Variants in NBEAL1 observed in about 807,000 individuals in gnomAD.
The protein encoded by NBEAL1 is neurobeachin like 1, also known as neurobeachin-like protein 1.
A neutral mutation model predicts 351.3 loss-of-function variants in NBEAL1; 273 were observed. The ratio of observed to expected loss-of-function variants is 0.78; its 90% CI spans 0.70 to 0.86. NBEAL1 has a LOEUF of 0.86. Ranked by LOEUF, NBEAL1 falls within the 40% of genes least tolerant of loss-of-function variation. The pLI is 0.00. For synonymous variants in NBEAL1, 1,050 were observed against 1,086.4 expected (o/e 0.97, Z 0.66); for missense variants, 2,961 against 3,201.3 (o/e 0.92, Z 1.81).
intron 49 of NBEAL1, among the ~76,000 whole-genome samples, chr2:203,201,285 T>G (rs906082324): frequency 6.6e-6 from 1 of 152,220 alleles, no homozygotes; most frequent in African/African-American, 2.4e-5. Context: ...AATCCAAGAT[T>G]TAAGCTTTCT....
chr2:203,034,457 A>ATTT (rs1241543389), intron 2 of NBEAL1, among the ~76,000 whole-genome samples: 1 of 111,946 alleles, frequency 8.9e-6, no homozygotes, highest in Non-Finnish European at 1.9e-5. Flanking sequence ...ACACCCGGCC[A>ATTT]TTTTTTTTTT....
chr2:203,162,553 G>A (rs547408192), intron 36 of NBEAL1, among the ~76,000 whole-genome samples: 1 of 151,222 alleles, frequency 6.6e-6, no homozygotes, highest in Non-Finnish European at 1.5e-5. Context: ...GACCAGCCTG[G>A]ACAACATGGC....
At chr2:203,184,336 T>A (rs1183970324) in intron 44 of NBEAL1, among the ~76,000 whole-genome samples, 4 of 151,730 alleles carry the variant, frequency 2.6e-5, no homozygotes, top group African/African-American at 9.7e-5. Flanking sequence ...GAGGCTGAGG[T>A]AAGATAATCT....
intron 2 of NBEAL1, among the ~76,000 whole-genome samples, chr2:203,028,467 A>T (rs1403868693): frequency 6.6e-6 from 1 of 151,936 alleles, no homozygotes; most frequent in Non-Finnish European, 1.5e-5. Flanking sequence ...AAATCTCATT[A>T]TTCAGAGACT....
chr2:203,142,917 G>A (rs766607515), intron 31 of NBEAL1, among the ~76,000 whole-genome samples: 5 of 152,142 alleles, frequency 3.3e-5, no homozygotes, highest in Non-Finnish European at 7.4e-5. Flanking sequence ...TCATGTTAGA[G>A]ATCGTTTCCT....
chr2:203,058,257 C>T (rs994501230), intron 6 of NBEAL1, among the ~76,000 whole-genome samples: 2 of 152,152 alleles, frequency 1.3e-5, no homozygotes, highest in African/African-American at 4.8e-5. Flanking sequence ...GTCTTGAATT[C>T]CTAGGCTCAA....
At chr2:203,150,792 A>C (rs1274402073) in intron 34 of NBEAL1, among the ~76,000 whole-genome samples, 3 of 152,194 alleles carry the variant, frequency 2.0e-5, no homozygotes, top group Admixed American at 6.5e-5. Flanking sequence ...TGGAAATATC[A>C]ACCATCTGTA....
chr2:203,133,576 A>T (rs1388131186), intron 27 of NBEAL1, among the ~76,000 whole-genome samples: 1 of 151,924 alleles, frequency 6.6e-6, no homozygotes, highest in African/African-American at 2.4e-5. Context: ...AAGTCAAGAG[A>T]TAGTTATCCT....
intron 3 of NBEAL1, among the ~76,000 whole-genome samples, chr2:203,049,209 A>G (rs1304468227): frequency 6.6e-6 from 1 of 152,070 alleles, no homozygotes; most frequent in Non-Finnish European, 1.5e-5. Context: ...GTAAAATGAT[A>G]CAATGAAACC....
Position 203,157,728 on chromosome 2 carries a change from A to T in NBEAL1, c.5617A>T (p.Thr1873Ser). 1 of 1,601,062 alleles carries T rather than the reference A, an allele frequency of 6.2e-7. No homozygotes were observed. Among genetic ancestry groups the T allele is most frequent in the Non-Finnish European group, 8.5e-7 (1 of 1,174,678 alleles). ...GIQHSQPSSD[T>S]LLLEVVKQVK... The stretch of plus-strand genomic sequence containing the variant: ...CCAACACTCACAGCCTTCCAGTGAT[A>T]CATTGCTTTTGGAAGTAGTGAAACA... The change falls in exon 36 of 56, where the codon ACA becomes TCA. Residue 1873 changes from threonine to serine, a missense_variant. By Grantham distance (58) the Thr-to-Ser change is moderately conservative. Transcript: ENST00000683969.
At chr2:203,191,385 A>G in intron 46 of NBEAL1, 2 of 212,100 alleles carry the variant, frequency 9.4e-6, no homozygotes, top group Non-Finnish European at 1.9e-5. Flanking sequence ...ATTAAATATT[A>G]CTACATATAT....
chr2:203,157,744 T>C lies in NBEAL1; in HGVS notation c.5633T>C (p.Val1878Ala). 5 of 1,599,300 alleles carry C rather than the reference T, an allele frequency of 3.1e-6. No individual in the cohort carries two copies. The highest frequency in any genetic ancestry group is 4.3e-6 in the Non-Finnish European group (5 of 1,173,454). ...QPSSDTLLLE[V>A]VKQVKVSDMV... ...TCCAGTGATACATTGCTTTTGGAAGTAGTGAAACAAGTAAAAGTTAGTGAT... is the reference window on the plus strand; with the variant it reads ...TCCAGTGATACATTGCTTTTGGAAGCAGTGAAACAAGTAAAAGTTAGTGAT... The change falls in exon 36 of 56, where the codon GTA becomes GCA. Residue 1878 changes from valine (V) to alanine (A), a missense_variant. Physicochemically the swap from Val to Ala is moderately conservative, Grantham distance 64. Coordinates refer to ENST00000683969, the MANE Select transcript of NBEAL1 (RefSeq NM_001378026.1).
chr2:203,097,483 A>G, intron 10 of NBEAL1, 64 bp from the exon 11 acceptor site: 2 of 631,402 alleles, frequency 3.2e-6, no homozygotes, highest in Non-Finnish European at 4.0e-6. Flanking sequence ...TTTAAGCTTC[A>G]TTGCTGCTTA....
chr2:203,176,764 G>A (rs907928053), intron 42 of NBEAL1, among the ~76,000 whole-genome samples: 13 of 151,112 alleles, frequency 8.6e-5, no homozygotes, highest in Non-Finnish European at 1.6e-4. Context: ...GTATAACTAG[G>A]TCTTTTCAGC....
rs1320045845 is a variant in NBEAL1, at chr2:203,107,718, C to T, written c.1479C>T (p.Ile493=). ...AACTACAATCCCATGACCTGCAAATCTTCATCTCTGATTGGCTGAAAAGAA... is the reference window on the plus strand; with the variant it reads ...AACTACAATCCCATGACCTGCAAATTTTCATCTCTGATTGGCTGAAAAGAA... The part of the protein sequence containing the change: ...LPELQSHDLQ[I]FISDWLKRIC... Residue 493 remains isoleucine (I), a synonymous_variant, in exon 14 of 56, where the codon ATC becomes ATT. Transcript: ENST00000683969. 6 of 1,553,618 alleles carry T rather than the reference C, an allele frequency of 3.9e-6. No individual in the cohort carries two copies. The highest frequency in any genetic ancestry group is 5.2e-6 in the Non-Finnish European group (6 of 1,147,490).
chr2:203,145,797 CAAA>C (rs56382460), intron 33 of NBEAL1, among the ~76,000 whole-genome samples: 10 of 86,126 alleles, frequency 1.2e-4, no homozygotes, highest in Admixed American at 4.0e-4. Context: ...GACTCCATCT[CAAA>C]AAAAAAAAAA....
chr2:203,206,076 A>T (rs566140559), intron 51 of NBEAL1, among the ~76,000 whole-genome samples: 2 of 152,334 alleles, frequency 1.3e-5, no homozygotes, highest in Admixed American at 6.5e-5. Flanking sequence ...AGTCTTCTGG[A>T]AGATGACTCA....
intron 10 of NBEAL1, among the ~76,000 whole-genome samples, chr2:203,092,945 C>T (rs912139202): frequency 3.9e-5 from 6 of 152,090 alleles, no homozygotes; most frequent in African/African-American, 1.4e-4. Context: ...AAAGAATCTG[C>T]TAATCCGCTG....
chr2:203,098,018 TC>T (rs1363292104), intron 11 of NBEAL1, among the ~76,000 whole-genome samples: 1 of 152,190 alleles, frequency 6.6e-6, no homozygotes, highest in East Asian at 1.9e-4. Context: ...ATATCTTGAT[TC>T]TTTGCTTCTT....
Sources: gnomAD v4.1 joint callset for allele counts (sites outside exome capture counted in the v4.1 genomes callset) on GRCh38, gnomAD v4.1.1 for gene constraint, MANE v1.5 for transcripts, NCBI Gene and HGNC (gene_info 2026-07-23, HGNC 2026-07-21) for gene names.